The following ELOVL6 variants were observed in gnomAD, a reference collection of about 807,000 sequenced individuals.
The protein encoded by ELOVL6 is ELOVL fatty acid elongase 6.
In ELOVL6, 8 loss-of-function variants were observed where a neutral mutation model predicts 31.7. That is an observed-to-expected ratio of 0.25 (90% CI 0.15 to 0.45). The LOEUF is 0.45. Among genes scored for constraint, ELOVL6 ranks in the 20% least tolerant of loss-of-function variants. The probability of loss-of-function intolerance (pLI) is 1.00; values close to 1 mark genes in which losing one functional copy is unlikely to be tolerated. For missense variants in ELOVL6, 126 were observed against 326.4 expected (o/e 0.39, Z 4.73); for synonymous variants, 101 against 117.7 (o/e 0.86, Z 0.92).
At chr4:110,072,652 C>T (rs192006504) in intron 2 of ELOVL6, among the ~76,000 whole-genome samples, 253 of 152,332 alleles carry the variant, frequency 1.7e-3, no homozygotes, top group African/African-American at 6.0e-3. Context: ...TCATCTGCTT[C>T]TTCAAGAGAA....
At chr4:110,085,683 G>C (rs191096397) in intron 2 of ELOVL6, among the ~76,000 whole-genome samples, 40 of 152,248 alleles carry the variant, frequency 2.6e-4, no homozygotes, top group African/African-American at 9.6e-4. Context: ...GTAAAACATG[G>C]AGATTGTTAA....
At chr4:110,149,417 GT>G (rs775788533) in intron 1 of ELOVL6, among the ~76,000 whole-genome samples, 1 of 152,144 alleles carries the variant, frequency 6.6e-6, no homozygotes, top group Non-Finnish European at 1.5e-5. Context: ...AAGAAAATGT[GT>G]TATGTGTACA....
chr4:110,060,784 C>T (rs12505992), intron 2 of ELOVL6, among the ~76,000 whole-genome samples: 2 of 152,186 alleles, frequency 1.3e-5, no homozygotes, highest in East Asian at 3.9e-4. Context: ...AGGGCAGCAT[C>T]TTACTCTAGA....
In ELOVL6 at chr4:110,071,418, TG is replaced by T. The variant is rs537977986; in HGVS notation, c.222-11665del. Among the ~76,000 whole-genome samples the T allele has an allele frequency of 7.2e-5, 11 of 152,336 alleles. No homozygotes were observed. In the East Asian group the frequency reaches 1.7e-3, roughly 24 times the overall value. ...CCTTACTCCTCACTGAAAAGAGCTTTGTTTTTTTCTTTCCATGTTTAGTTAT... is the reference window on the plus strand; with the variant it reads ...CCTTACTCCTCACTGAAAAGAGCTTTTTTTTTTCTTTCCATGTTTAGTTAT... On this transcript the variant is annotated intron_variant, in intron 2 of 3. Transcript: ENST00000302274.
rs2126223907 is a variant in ELOVL6 at position 110,063,604 on chromosome 4, T to C, written c.222-3850A>G. On this transcript the variant is annotated intron_variant, in intron 2 of 3. Coordinates refer to ENST00000302274, the MANE Select transcript of ELOVL6 (RefSeq NM_024090.3). The stretch of plus-strand genomic sequence containing the variant: ...GCTGTTGGTATAGAAAAGCTTCTGT[T>C]TCAAGTGAAATGTATCTTTCCTTCA... Among the ~76,000 whole-genome samples the C allele has an allele frequency of 2.6e-5, 4 of 152,254 alleles. No individual in the cohort carries two copies. In the Middle Eastern group the frequency reaches 0.01, roughly 388 times the overall value.
At chr4:110,061,349 G>C (rs1294511847) in intron 2 of ELOVL6, among the ~76,000 whole-genome samples, 2 of 151,962 alleles carry the variant, frequency 1.3e-5, no homozygotes, top group African/African-American at 4.8e-5. Context: ...TTTCTCCCCT[G>C]TTCATAACAA....
chr4:110,172,407 G>T (rs1328046252), intron 1 of ELOVL6, among the ~76,000 whole-genome samples: 1 of 152,182 alleles, frequency 6.6e-6, no homozygotes, highest in Non-Finnish European at 1.5e-5. Context: ...CCAGACACTT[G>T]TAGGAACTTA....
At chr4:110,065,348 T>G (rs1006046945) in intron 2 of ELOVL6, among the ~76,000 whole-genome samples, 1 of 152,208 alleles carries the variant, frequency 6.6e-6, no homozygotes, top group African/African-American at 2.4e-5. Flanking sequence ...TGGGCTGGGC[T>G]GGGCACAATG....
At position 110,050,556 on chromosome 4, in the gene ELOVL6, A is replaced by AG. The variant is rs1164242925; in HGVS notation, c.*781dup. ...AATGCTTCATATCTCACTTAAGAGT[A>AG]GAAATTACAGTTCAACTATCAGAAA... On this transcript the variant is annotated 3_prime_UTR_variant, in exon 4 of 4. Transcript: ENST00000302274. The AG allele has an allele frequency of 6.6e-6, 1 of 152,356 alleles. No homozygotes were observed. The highest frequency in any genetic ancestry group is 2.4e-5 in the African/African-American group (1 of 41,468). The allele number at this position is 152,356 out of a possible 1,614,324, so 9.4% of individuals were successfully genotyped here. A position where few individuals can be genotyped will look rare whatever the true frequency, so the allele number is the denominator to read the frequency against.
At chr4:110,178,285 C>G (rs755174240) in intron 1 of ELOVL6, among the ~76,000 whole-genome samples, 2 of 152,126 alleles carry the variant, frequency 1.3e-5, no homozygotes, top group Non-Finnish European at 2.9e-5. Context: ...CAGTGGCTCA[C>G]GACTATAATT....
intron 2 of ELOVL6, among the ~76,000 whole-genome samples, chr4:110,064,388 A>G (rs1216435748): frequency 1.3e-5 from 2 of 152,108 alleles, no homozygotes; most frequent in South Asian, 4.1e-4. Context: ...TCCATTATAC[A>G]ATTAACTGTA....
intron 1 of ELOVL6, among the ~76,000 whole-genome samples, chr4:110,143,055 G>A (rs986973688): frequency 1.3e-5 from 2 of 152,122 alleles, no homozygotes; most frequent in Non-Finnish European, 2.9e-5. Flanking sequence ...AAGGAACTGT[G>A]GGCTGGAACA....
chr4:110,111,181 C>A (rs1203915991), intron 1 of ELOVL6, among the ~76,000 whole-genome samples: 1 of 152,036 alleles, frequency 6.6e-6, no homozygotes, highest in African/African-American at 2.4e-5. Context: ...TATCTTTTTC[C>A]CCCCTTGTCA....
intron 1 of ELOVL6, among the ~76,000 whole-genome samples, chr4:110,175,047 T>TA (rs570462875): frequency 0.065 from 9,516 of 146,818 alleles, 462 homozygotes; most frequent in African/African-American, 0.13. Context: ...TTTAAAAAAC[T>TA]AAAAAAAAAA....
chr4:110,093,107 T>C (rs1756471266), intron 2 of ELOVL6: 2 of 452,154 alleles, frequency 4.4e-6, no homozygotes, highest in Non-Finnish European at 8.8e-6. Flanking sequence ...GAATCTTACA[T>C]GTCAGCTGTT....
chr4:110,136,529 A>G (rs967743537), intron 1 of ELOVL6, among the ~76,000 whole-genome samples: 3 of 152,194 alleles, frequency 2.0e-5, no homozygotes, highest in African/African-American at 4.8e-5. Flanking sequence ...TTCCTTACAA[A>G]CTAACAACTT....
At chr4:110,110,131 A>G (rs1756991373) in intron 1 of ELOVL6, among the ~76,000 whole-genome samples, 1 of 152,188 alleles carries the variant, frequency 6.6e-6, no homozygotes, top group Non-Finnish European at 1.5e-5. Context: ...CAAGTCAGGA[A>G]ACAACTTATG....
In ELOVL6 at chr4:110,198,431, A is replaced by ACCCCTACC. The variant is rs1759884494; in HGVS notation, c.-97_-96insGGTAGGGG. On this transcript the variant is annotated 5_prime_UTR_variant, in exon 1 of 4. Coordinates refer to ENST00000302274, the MANE Select transcript of ELOVL6 (RefSeq NM_024090.3). Reference sequence around the variant, plus strand: ...GAGTGTTCTCCTGTCTGCTTCCCCCACCCACCCCCCTAGGTCTTCCCCACG... The same window carrying ACCCCTACC: ...GAGTGTTCTCCTGTCTGCTTCCCCCACCCCTACCCCCACCCCCCTAGGTCTTCCCCACG... 1 of 654,242 alleles carries ACCCCTACC rather than the reference A, an allele frequency of 1.5e-6. No individual in the cohort carries two copies. Among genetic ancestry groups the ACCCCTACC allele is most frequent in the African/African-American group, 2.6e-5 (1 of 37,798 alleles). 40.5% of individuals were successfully genotyped at this position (654,242 alleles called of 1,614,324 possible).
intron 2 of ELOVL6, among the ~76,000 whole-genome samples, chr4:110,063,685 CTG>C (rs1468860189): frequency 6.6e-6 from 1 of 151,460 alleles, no homozygotes; most frequent in Admixed American, 6.6e-5. Flanking sequence ...GTCTGGACCA[CTG>C]TGTTGAATGA....
Sources: allele counts gnomAD v4.1 joint callset (sites outside exome capture counted in the v4.1 genomes callset), GRCh38; gene constraint gnomAD v4.1.1; transcripts MANE v1.5; gene names NCBI Gene and HGNC (gene_info 2026-07-23, HGNC 2026-07-21).